P3H2: variants seen among roughly 807,000 people sequenced by gnomAD.
P3H2 encodes leprecan-like 1.
A neutral mutation model predicts 87.0 loss-of-function variants in P3H2; 80 were observed. That is an observed-to-expected ratio of 0.92 (90% confidence interval 0.77 to 1.11). The LOEUF is 1.11. Ranked by LOEUF, P3H2 falls within the 50% of genes least tolerant of loss-of-function variation. P3H2 has a pLI of 0.00. For synonymous variants in P3H2, 367 were observed against 359.3 expected (o/e 1.02, Z -0.24); for missense variants, 1,001 against 923.9 (o/e 1.08, Z -1.08).
chr3:190,034,600 A>T (rs1184906682), intron 1 of P3H2, among the ~76,000 whole-genome samples: 1 of 152,094 alleles, frequency 6.6e-6, no homozygotes, highest in Non-Finnish European at 1.5e-5. Flanking sequence ...GAAAGAACAA[A>T]CAAATGGTTG....
chr3:190,078,136 T>G (rs967679389), intron 1 of P3H2, among the ~76,000 whole-genome samples: 1 of 152,154 alleles, frequency 6.6e-6, no homozygotes, highest in African/African-American at 2.4e-5. Flanking sequence ...GAACTAAAAT[T>G]TGTAAGTAGA....
At chr3:190,054,644 G>A (rs145287943) in intron 1 of P3H2, among the ~76,000 whole-genome samples, 1 of 152,236 alleles carries the variant, frequency 6.6e-6, no homozygotes, top group African/African-American at 2.4e-5. Flanking sequence ...CTGCTTTAAA[G>A]ATTGTTCTCA....
chr3:190,001,445 A>G lies in P3H2; in HGVS notation c.481-6003T>C, dbSNP rs1724214500. ...CAATAAATGAATGAATTCTTTTTCTACTTTCGTCACCCTAACTTTGGGAAT... is the reference window on the plus strand; with the variant it reads ...CAATAAATGAATGAATTCTTTTTCTGCTTTCGTCACCCTAACTTTGGGAAT... On this transcript the variant is annotated intron_variant, in intron 1 of 14. Coordinates refer to ENST00000319332, the MANE Select transcript of P3H2 (RefSeq NM_018192.4). Among the ~76,000 whole-genome samples the G allele has an allele frequency of 2.6e-5, 4 of 152,180 alleles. No individual in the cohort carries two copies. The South Asian group carries it at 8.3e-4, about 32-fold the overall frequency.
At chr3:190,114,186 A>ATT (rs1403696416) in intron 1 of P3H2, among the ~76,000 whole-genome samples, 1 of 132,528 alleles carries the variant, frequency 7.5e-6, no homozygotes, top group African/African-American at 2.9e-5. Context: ...AATTATTATT[A>ATT]TTATTTTTTT....
rs144985838 is a variant in P3H2, at chr3:190,079,133, G to C, written c.480+41119C>G. ...AGGCAGGTGGGCCACCTAAGGTCAG[G>C]AGTTCAAGACCAGCCTGGCCAACAT... On this transcript the variant is annotated intron_variant, in intron 1 of 14. Coordinates refer to ENST00000319332, the MANE Select transcript of P3H2 (RefSeq NM_018192.4). Among the ~76,000 whole-genome samples, 260 of 152,144 alleles carry C rather than the reference G, an allele frequency of 1.7e-3. 1 individual carries two copies. Among genetic ancestry groups the C allele is most frequent in the East Asian group, 6.2e-3 (32 of 5,166 alleles).
In P3H2 at chr3:190,020,664, G is replaced by A. The variant is rs1577277425; in HGVS notation, c.481-25222C>T. On this transcript the variant is annotated intron_variant, in intron 1 of 14. Coordinates refer to ENST00000319332, the MANE Select transcript of P3H2 (RefSeq NM_018192.4). ...GTTAAATAGGGTCACAGTTTAGCGT[G>A]GGTCTCTAGGGTGAAGCCCATCCAG... 1.5e-5 allele frequency among the ~76,000 whole-genome samples: 2 copies of A among 133,554 alleles called. 1 individual carries two copies. The highest frequency in any genetic ancestry group is 5.5e-4 in the South Asian group (2 of 3,664). 87.6% of individuals were successfully genotyped at this position (133,554 alleles called of 152,430 possible).
chr3:189,977,367 C>T (rs115548074), intron 8 of P3H2, among the ~76,000 whole-genome samples: 1,968 of 152,244 alleles, frequency 0.013, 38 homozygotes, highest in African/African-American at 0.045. Context: ...GAATAGAGGG[C>T]GTCCTCCAGC....
chr3:190,049,066 C>G (rs895511686), intron 1 of P3H2, among the ~76,000 whole-genome samples: 1 of 152,090 alleles, frequency 6.6e-6, no homozygotes, highest in Admixed American at 6.5e-5. Flanking sequence ...AGTCCTCAAC[C>G]CTTGCCAAAG....
intron 1 of P3H2, among the ~76,000 whole-genome samples, chr3:190,018,510 C>A (rs1019075755): frequency 3.4e-5 from 5 of 148,660 alleles, no homozygotes; most frequent in African/African-American, 5.2e-5. Flanking sequence ...CAGTTTGAGA[C>A]CAGCTTGGGC....
chr3:189,981,115 C>CATCTGTA (rs1723520990), intron 8 of P3H2, among the ~76,000 whole-genome samples: 1 of 152,224 alleles, frequency 6.6e-6, no homozygotes, highest in South Asian at 2.1e-4. Context: ...TCTAGCTGTT[C>CATCTGTA]ATCTGTATCC....
chr3:189,995,465 A>G (rs1325700197), intron 1 of P3H2, 23 bp from the exon 2 acceptor site: 3 of 1,610,166 alleles, frequency 1.9e-6, no homozygotes, highest in African/African-American at 2.7e-5. Flanking sequence ...AAAAATGACC[A>G]AAATGAAGGC....
intron 1 of P3H2, among the ~76,000 whole-genome samples, chr3:189,997,024 T>C (rs1454706598): frequency 6.6e-6 from 1 of 152,056 alleles, no homozygotes; most frequent in African/African-American, 2.4e-5. Context: ...TTTTAACACA[T>C]TTTTAAAATT....
At chr3:190,042,786 T>A (rs1462295378) in intron 1 of P3H2, among the ~76,000 whole-genome samples, 1 of 152,012 alleles carries the variant, frequency 6.6e-6, no homozygotes, top group African/African-American at 2.4e-5. Context: ...GAAACAAGAG[T>A]CAGGAGAAGG....
chr3:189,973,507 CTTTCTTTT>C (rs1370840982), intron 10 of P3H2, among the ~76,000 whole-genome samples: 8 of 78,974 alleles, frequency 1.0e-4, no homozygotes, highest in Non-Finnish European at 1.7e-4. Flanking sequence ...TTCTTTCTTT[CTTTCTTTT>C]TTTTTTTTTT....
intron 1 of P3H2, among the ~76,000 whole-genome samples, chr3:190,114,265 G>A (rs1279458184): frequency 6.7e-6 from 1 of 148,698 alleles, no homozygotes; most frequent in Non-Finnish European, 1.5e-5. Context: ...CTCACTGCAA[G>A]CTCCGCCTCC....
rs111445640 is a variant in P3H2 at position 190,049,454 on chromosome 3, A to G, written c.481-54012T>C. The stretch of plus-strand genomic sequence containing the variant: ...GGAAAGGGAAAAAAAGAAGAAAAAA[A>G]AGTTCTGGAGCTTTAGCCTTATTCT... On this transcript the variant is annotated intron_variant, in intron 1 of 14. Transcript: ENST00000319332. 6.9e-3 allele frequency among the ~76,000 whole-genome samples: 1,050 copies of G among 152,324 alleles called. 12 individuals carry two copies. The highest frequency in any genetic ancestry group is 0.025 in the African/African-American group (1,020 of 41,558).
chr3:190,046,372 T>G (rs966101409), intron 1 of P3H2, among the ~76,000 whole-genome samples: 7 of 152,230 alleles, frequency 4.6e-5, no homozygotes, highest in Admixed American at 1.3e-4. Context: ...ATCCCTTTAT[T>G]TCTGTGACCC....
At chr3:189,967,124 G>A (rs1049319788) in intron 13 of P3H2, among the ~76,000 whole-genome samples, 4 of 152,010 alleles carry the variant, frequency 2.6e-5, no homozygotes, top group Non-Finnish European at 5.9e-5. Flanking sequence ...GGAAAGATAA[G>A]AACTGCCTTA....
At chr3:190,073,054 G>A (rs567875322) in intron 1 of P3H2, among the ~76,000 whole-genome samples, 14 of 152,256 alleles carry the variant, frequency 9.2e-5, no homozygotes, top group African/African-American at 2.6e-4. Flanking sequence ...ACAAAGTCAC[G>A]TGGTATAAAA....
Sources: allele counts gnomAD v4.1 joint callset (sites outside exome capture counted in the v4.1 genomes callset), GRCh38; gene constraint gnomAD v4.1.1; transcripts MANE v1.5; gene names NCBI Gene and HGNC (gene_info 2026-07-23, HGNC 2026-07-21).